Variants in ST3GAL4 observed in about 807,000 individuals in gnomAD.
ST3GAL4 encodes ST3 beta-galactoside alpha-2,3-sialyltransferase 4, also known as CMP-N-acetylneuraminate-beta-galactosamide-alpha-2,3-sialyltransferase 4.
A neutral mutation model predicts 42.6 loss-of-function variants in ST3GAL4; 24 were observed. That is an observed-to-expected ratio of 0.56 (90% CI 0.41 to 0.79). The LOEUF (loss-of-function observed/expected upper bound fraction) is 0.79, where lower values mean the gene tolerates loss of function less well. Among genes scored for constraint, ST3GAL4 ranks in the 30% least tolerant of loss-of-function variants. The pLI is 0.00. For missense variants in ST3GAL4, 311 were observed against 430.8 expected (o/e 0.72, Z 2.46); for synonymous variants, 135 against 163.2 (o/e 0.83, Z 1.32).
Position 126,406,837 on chromosome 11 carries a change from C to A in ST3GAL4, c.102-106C>A. 9.0e-7 allele frequency: 1 copy of A among 1,116,380 alleles called. No homozygotes were observed. Among genetic ancestry groups the A allele is most frequent in the Non-Finnish European group, 1.3e-6 (1 of 749,552 alleles). The allele number at this position is 1,116,380 out of a possible 1,614,324, so 69.2% of individuals were successfully genotyped here. ...GAACTTAACTTGAGATGATTCCTCC[C>A]CGGCACCTTGGGACCTTCATGCCGT... On this transcript the variant is annotated intron_variant, in intron 3 of 10. Coordinates refer to ENST00000444328, the MANE Select transcript of ST3GAL4 (RefSeq NM_001254757.2). This position sits in a 1 kb window ranked among gnomAD's most constrained non-coding sequence, Gnocchi z 5.4.
rs2269395 is a variant in ST3GAL4 at position 126,358,508 on chromosome 11, G to C, written c.-61+2666G>C. 0.05 allele frequency: 22,490 copies of C among 454,216 alleles called. 3,390 individuals are homozygous for C. In the East Asian group the frequency reaches 0.59, roughly 12 times the overall value. The allele number at this position is 454,216 out of a possible 1,614,324, so 28.1% of individuals were successfully genotyped here. On this transcript the variant is annotated intron_variant, in intron 1 of 10. Transcript: ENST00000444328. ...CCAACCCCTGCCACATTTCGGGGAGGGAGGTGTGTGAATGATGTCCTTTAT... is the reference window on the plus strand; with the variant it reads ...CCAACCCCTGCCACATTTCGGGGAGCGAGGTGTGTGAATGATGTCCTTTAT...
chr11:126,395,708 CCTT>C (rs558227880), intron 1 of ST3GAL4, among the ~76,000 whole-genome samples: 2 of 152,164 alleles, frequency 1.3e-5, no homozygotes, highest in South Asian at 2.1e-4. Context: ...ACGTGGCTGT[CCTT>C]CTTTCTTGCC....
chr11:126,413,609 C>T lies in ST3GAL4; in HGVS notation c.876C>T (p.Thr292=), dbSNP rs768970009. The T allele has an allele frequency of 1.9e-6, 3 of 1,614,280 alleles. No individual in the cohort carries two copies. The South Asian group carries it at 3.3e-5, about 18-fold the overall frequency. Residue 292 remains threonine, a synonymous_variant, in exon 10 of 11, where the codon ACC becomes ACT. Transcript: ENST00000444328. The stretch of plus-strand genomic sequence containing the variant: ...CAGACGCCTACAACAAGAAGCAGAC[C>T]ATTCACTACTATGAGCAGATCACGC... ...GYPDAYNKKQ[T]IHYYEQITLK...
At chr11:126,387,631 G>T (rs866120681) in intron 1 of ST3GAL4, among the ~76,000 whole-genome samples, 12 of 151,070 alleles carry the variant, frequency 7.9e-5, no homozygotes, top group Middle Eastern at 6.9e-3. Flanking sequence ...CTGAGATTGG[G>T]CCTTTGGTCT....
rs1953783014 is a variant in ST3GAL4, at chr11:126,396,726, G to A, written c.-60-9370G>A. Reference sequence around the variant, plus strand: ...GGGATGGTTTTAGAAGCCGTAGGATGTGGAGGTTCTGGCTGAAGGAGCCAG... The same window carrying A: ...GGGATGGTTTTAGAAGCCGTAGGATATGGAGGTTCTGGCTGAAGGAGCCAG... On this transcript the variant is annotated intron_variant, in intron 1 of 10. Transcript: ENST00000444328. This position sits in a 1 kb window ranked among gnomAD's most constrained non-coding sequence, Gnocchi z 5.8. Among the ~76,000 whole-genome samples, 1 of 149,884 alleles carries A rather than the reference G, an allele frequency of 6.7e-6. No individual in the cohort carries two copies.
At position 126,386,552 on chromosome 11, in the gene ST3GAL4, TG is replaced by T. The variant is rs1238611081; in HGVS notation, c.-60-19543del. Among the ~76,000 whole-genome samples, 1 of 152,104 alleles carries T rather than the reference TG, an allele frequency of 6.6e-6. No homozygotes were observed. The highest frequency in any genetic ancestry group is 1.5e-5 in the Non-Finnish European group (1 of 68,030). ...GCTCTCCTGGGACACAGGTTAGTCC[TG>T]TGGGTGACCTCACTTTAGAGAGGGC... On this transcript the variant is annotated intron_variant, in intron 1 of 10. Coordinates refer to ENST00000444328, the MANE Select transcript of ST3GAL4 (RefSeq NM_001254757.2). The surrounding 1 kb of genome is among the most constrained non-coding windows in gnomAD (Gnocchi z 4.7).
chr11:126,367,608 C>G (rs1319409502), intron 1 of ST3GAL4, among the ~76,000 whole-genome samples: 1 of 152,172 alleles, frequency 6.6e-6, no homozygotes, highest in African/African-American at 2.4e-5. Context: ...TGTTTTGAGG[C>G]TCAGGACACC....
chr11:126,407,008 C>T lies in ST3GAL4; in HGVS notation c.167C>T (p.Ser56Phe). 2 of 1,613,954 alleles carry T rather than the reference C, an allele frequency of 1.2e-6. No homozygotes were observed. Among genetic ancestry groups the T allele is most frequent in the Non-Finnish European group, 1.7e-6 (2 of 1,179,958 alleles). The change falls in exon 4 of 11, where the codon TCT (serine) becomes TTT (phenylalanine). Residue 56 changes from serine to phenylalanine, a missense_variant. Transcript: ENST00000444328. Reference sequence around the variant, plus strand: ...CAGGGTGAGGCAGAGAGCAAGGCCTCTAAGCTCTTTGGCAAGTAAGTACTT... The same window carrying T: ...CAGGGTGAGGCAGAGAGCAAGGCCTTTAAGCTCTTTGGCAAGTAAGTACTT... ...CLQGEAESKA[S>F]KLFGNYSRDQ...
chr11:126,406,269 CAG>C lies in ST3GAL4; in HGVS notation c.16+99_16+100del. On this transcript the variant is annotated intron_variant, in intron 2 of 10. Transcript: ENST00000444328. This position sits in a 1 kb window ranked among gnomAD's most constrained non-coding sequence, Gnocchi z 5.4. ...CCTCTGGGGGCTGTGGAGGGACAGA[CAG>C]GGAGCCAGGGGCCCTTCTCTTCATC... is the stretch of plus-strand genomic sequence containing the variant. The C allele has an allele frequency of 6.5e-7, 1 of 1,547,824 alleles. No homozygotes were observed. The highest frequency in any genetic ancestry group is 8.7e-7 in the Non-Finnish European group (1 of 1,145,934).
intron 1 of ST3GAL4, among the ~76,000 whole-genome samples, chr11:126,362,992 C>T (rs1248782654): frequency 6.6e-6 from 1 of 152,230 alleles, no homozygotes; most frequent in Admixed American, 6.5e-5. Context: ...TCTGCCTCTC[C>T]AGCCCCTACC....
At position 126,411,538 on chromosome 11, in the gene ST3GAL4, G is replaced by A. The variant is rs1157028044; in HGVS notation, c.772-1967G>A. On this transcript the variant is annotated intron_variant, in intron 9 of 10. Transcript: ENST00000444328. The surrounding 1 kb of genome is among the most constrained non-coding windows in gnomAD (Gnocchi z 6.3). ...TGGTCCTGTAGATCAGAACAGCAGG[G>A]TGTGGCTGGTTCTCTGTTTAGGGTG... 6.6e-6 allele frequency among the ~76,000 whole-genome samples: 1 copy of A among 152,206 alleles called. No individual in the cohort carries two copies. Among genetic ancestry groups the A allele is most frequent in the Non-Finnish European group, 1.5e-5 (1 of 68,036 alleles).
At position 126,406,639 on chromosome 11, in the gene ST3GAL4, A is replaced by G; in HGVS notation, c.101+82A>G. On this transcript the variant is annotated intron_variant, in intron 3 of 10. Coordinates refer to ENST00000444328, the MANE Select transcript of ST3GAL4 (RefSeq NM_001254757.2). The surrounding 1 kb of genome is among the most constrained non-coding windows in gnomAD (Gnocchi z 5.4). ...TGGAGCATCATGGAGCGGGGGACCT[A>G]GTAGGGCAGGAAGGTTCCAAGAGCC... is the stretch of plus-strand genomic sequence containing the variant. 6.7e-7 allele frequency: 1 copy of G among 1,492,604 alleles called. No individual in the cohort carries two copies. The highest frequency in any genetic ancestry group is 9.1e-7 in the Non-Finnish European group (1 of 1,103,516). 92.5% of individuals were successfully genotyped at this position (1,492,604 alleles called of 1,614,324 possible). A position where few individuals can be genotyped will look rare whatever the true frequency, so the allele number is the denominator to read the frequency against.
At position 126,366,250 on chromosome 11, in the gene ST3GAL4, G is replaced by A. The variant is rs1952420964; in HGVS notation, c.-61+10408G>A. ...GGGAGGTAAAGCAGCAGCAGCTGCT[G>A]TAGCTGAGCCCGGCCCACGGCCAGC... On this transcript the variant is annotated intron_variant, in intron 1 of 10. Coordinates refer to ENST00000444328, the MANE Select transcript of ST3GAL4 (RefSeq NM_001254757.2). The surrounding 1 kb of genome is among the most constrained non-coding windows in gnomAD (Gnocchi z 4.2). Among the ~76,000 whole-genome samples the A allele has an allele frequency of 6.6e-6, 1 of 152,194 alleles. No homozygotes were observed. Among genetic ancestry groups the A allele is most frequent in the Non-Finnish European group, 1.5e-5 (1 of 68,036 alleles).
In ST3GAL4 at chr11:126,411,003, G is replaced by A. The variant is rs1433860548; in HGVS notation, c.771+1592G>A. ...CTGAACTGTTTCCAGTACAAGTGGC[G>A]TTGAAGGGCAACAAGGAGTTTCATG... On this transcript the variant is annotated intron_variant, in intron 9 of 10. Coordinates refer to ENST00000444328, the MANE Select transcript of ST3GAL4 (RefSeq NM_001254757.2). This position sits in a 1 kb window ranked among gnomAD's most constrained non-coding sequence, Gnocchi z 6.3. Among the ~76,000 whole-genome samples, 3 of 152,172 alleles carry A rather than the reference G, an allele frequency of 2.0e-5. No individual in the cohort carries two copies. The highest frequency in any genetic ancestry group is 4.8e-5 in the African/African-American group (2 of 41,440).
rs1016032285 is a variant in ST3GAL4 at position 126,366,812 on chromosome 11, G to T, written c.-61+10970G>T. Among the ~76,000 whole-genome samples, 2 of 152,192 alleles carry T rather than the reference G, an allele frequency of 1.3e-5. No individual in the cohort carries two copies. Among genetic ancestry groups the T allele is most frequent in the Non-Finnish European group, 2.9e-5 (2 of 68,034 alleles). On this transcript the variant is annotated intron_variant, in intron 1 of 10. Transcript: ENST00000444328. The surrounding 1 kb of genome is among the most constrained non-coding windows in gnomAD (Gnocchi z 4.2). ...GGTCTGCCGAGTGAGGGTTCCTTCC[G>T]GGAGGAGGCAGGGTGAGCGCAGAAA...
chr11:126,413,740 C>T (rs1591502279), intron 10 of ST3GAL4, 92 bp downstream of exon 10: 4 of 1,560,216 alleles, frequency 2.6e-6, no homozygotes, highest in Non-Finnish European at 2.6e-6. Context: ...TGCTGAGACC[C>T]AGAGGTGGCT....
Position 126,406,088 on chromosome 11 carries a change from T to A in ST3GAL4, c.-60-8T>A. 1 of 1,551,582 alleles carries A rather than the reference T, an allele frequency of 6.4e-7. No individual in the cohort carries two copies. Among genetic ancestry groups the A allele is most frequent in the Non-Finnish European group, 8.7e-7 (1 of 1,146,984 alleles). On this transcript the variant is annotated splice_polypyrimidine_tract_variant and splice_region_variant and intron_variant, in intron 1 of 10. Transcript: ENST00000444328. The surrounding 1 kb of genome is among the most constrained non-coding windows in gnomAD (Gnocchi z 5.4). ...GCTGACCGGACACCTGTGGCTCTTA[T>A]TTCCTAGGTGGCCCGAGGCAGCCGG...
Position 126,373,687 on chromosome 11 carries a change from C to G in ST3GAL4, c.-61+17845C>G, listed in dbSNP as rs1952735237. 6.6e-6 allele frequency among the ~76,000 whole-genome samples: 1 copy of G among 152,070 alleles called. No individual in the cohort carries two copies. Among genetic ancestry groups the G allele is most frequent in the African/African-American group, 2.4e-5 (1 of 41,412 alleles). On this transcript the variant is annotated intron_variant, in intron 1 of 10. Coordinates refer to ENST00000444328, the MANE Select transcript of ST3GAL4 (RefSeq NM_001254757.2). This position sits in a 1 kb window ranked among gnomAD's most constrained non-coding sequence, Gnocchi z 5.5. ...GACTTCTTTTGCTGTAGGTGGAAGCCTGTCTGGCTCCTTTCCCTCAAAGGT... is the reference window on the plus strand; with the variant it reads ...GACTTCTTTTGCTGTAGGTGGAAGCGTGTCTGGCTCCTTTCCCTCAAAGGT...
chr11:126,357,959 C>G (rs1358527317), intron 1 of ST3GAL4, among the ~76,000 whole-genome samples: 2 of 152,242 alleles, frequency 1.3e-5, no homozygotes, highest in Non-Finnish European at 2.9e-5. Context: ...TGCCAAGTTC[C>G]AGACCCTGGG....
Sources: gnomAD v4.1 joint callset for allele counts (sites outside exome capture counted in the v4.1 genomes callset) on GRCh38, gnomAD v4.1.1 for gene constraint, Gnocchi (gnomAD v3.1) non-coding constraint, MANE v1.5 for transcripts, NCBI Gene and HGNC (gene_info 2026-07-23, HGNC 2026-07-21) for gene names.